MGAT5B: variants seen among roughly 807,000 people sequenced by gnomAD.
The protein encoded by MGAT5B is N-acetylglucosaminyl-transferase Vb.
In MGAT5B, 54 loss-of-function variants were observed where a neutral mutation model predicts 95.1. The observed-to-expected ratio is 0.57, with a 90% CI of 0.46 to 0.71. The LOEUF (loss-of-function observed/expected upper bound fraction) is 0.71, where lower values mean the gene tolerates loss of function less well. Ranked by LOEUF, MGAT5B falls within the 30% of genes least tolerant of loss-of-function variation. MGAT5B has a pLI of 0.00. For missense variants in MGAT5B, 935 were observed against 1,088.6 expected (o/e 0.86, Z 1.99); for synonymous variants, 464 against 451.0 (o/e 1.03, Z -0.36).
Position 76,948,024 on chromosome 17 carries a change from C to T in MGAT5B, c.2118C>T (p.Asp706=). ...PGRACTDTCL[D]HGLICEPSFF... ...GGGCCTGCACCGACACCTGCCTGGA[C>T]CACGGGCTAATCTGTGAGCCCTCCT... The change falls in exon 17 of 18, where the codon GAC becomes GAT. Residue 706 remains aspartate, a synonymous_variant. Transcript: ENST00000569840. The T allele has an allele frequency of 6.2e-7, 1 of 1,613,308 alleles. No individual in the cohort carries two copies. The highest frequency in any genetic ancestry group is 8.5e-7 in the Non-Finnish European group (1 of 1,179,694).
chr17:76,888,900 A>G (rs978515861), intron 3 of MGAT5B, among the ~76,000 whole-genome samples: 1 of 152,178 alleles, frequency 6.6e-6, no homozygotes, highest in Non-Finnish European at 1.5e-5. Context: ...GGTGGAGGGA[A>G]CAGAGCATCT....
Position 76,870,750 on chromosome 17 carries a change from G to C in MGAT5B, c.68+1653G>C, listed in dbSNP as rs956202310. ...CAGTGAGTCCCTTCAGTTGAGGTGG[G>C]GGGCAGGCTGCAATCATAGCACCCC... On this transcript the variant is annotated intron_variant, in intron 1 of 17. Coordinates refer to ENST00000569840, the MANE Select transcript of MGAT5B (RefSeq NM_001199172.2). This position sits in a 1 kb window ranked among gnomAD's most constrained non-coding sequence, Gnocchi z 5.0. Among the ~76,000 whole-genome samples, 1 of 152,056 alleles carries C rather than the reference G, an allele frequency of 6.6e-6. No individual in the cohort carries two copies. The highest frequency in any genetic ancestry group is 1.5e-5 in the Non-Finnish European group (1 of 67,996).
At position 76,899,478 on chromosome 17, in the gene MGAT5B, T is replaced by A. The variant is rs548796253; in HGVS notation, c.330-3077T>A. Among the ~76,000 whole-genome samples the A allele has an allele frequency of 2.5e-3, 371 of 151,420 alleles. 3 individuals are homozygous for A. Among genetic ancestry groups the A allele is most frequent in the African/African-American group, 8.5e-3 (351 of 41,278 alleles). On this transcript the variant is annotated intron_variant, in intron 3 of 17. Transcript: ENST00000569840. ...GGGCAATATATTTTCTACAGAAAAT[T>A]AAAAAAAAATTAGCCGGACGTGGTG...
rs1450340582 is a variant in MGAT5B, at chr17:76,869,672, A to G, written c.68+575A>G. On this transcript the variant is annotated intron_variant, in intron 1 of 17. Coordinates refer to ENST00000569840, the MANE Select transcript of MGAT5B (RefSeq NM_001199172.2). This position sits in a 1 kb window ranked among gnomAD's most constrained non-coding sequence, Gnocchi z 7.0. ...ATTAGAGCGAGGACTCGCTCATCCC[A>G]GGATTCGCCCCCGATCGCAGGCGTC... Among the ~76,000 whole-genome samples the G allele has an allele frequency of 6.6e-6, 1 of 152,172 alleles. No homozygotes were observed. Among genetic ancestry groups the G allele is most frequent in the African/African-American group, 2.4e-5 (1 of 41,444 alleles).
chr17:76,876,169 G>C (rs1234899605), intron 2 of MGAT5B, among the ~76,000 whole-genome samples: 1 of 152,152 alleles, frequency 6.6e-6, no homozygotes, highest in African/African-American at 2.4e-5. Flanking sequence ...TCCTGCAAGA[G>C]AAGCCCCTCA....
At chr17:76,896,018 G>A (rs112482192) in intron 3 of MGAT5B, among the ~76,000 whole-genome samples, 4,314 of 152,046 alleles carry the variant, frequency 0.028, 76 homozygotes, top group Non-Finnish European at 0.043. Flanking sequence ...CCTACCCCAC[G>A]GTGACAACAC....
chr17:76,897,660 A>ACTTTCTTTCTTC (rs1555589123), intron 3 of MGAT5B, among the ~76,000 whole-genome samples: 2 of 69,438 alleles, frequency 2.9e-5, no homozygotes, highest in Non-Finnish European at 5.1e-5. Context: ...AAGTAAGGCC[A>ACTTTCTTTCTTC]CTTTCTTTCT....
intron 2 of MGAT5B, among the ~76,000 whole-genome samples, chr17:76,880,809 G>A (rs747751353): frequency 1.3e-4 from 20 of 152,136 alleles, no homozygotes; most frequent in Non-Finnish European, 2.9e-4. Context: ...AATATTCTCG[G>A]CAGTGCAGCT....
intron 13 of MGAT5B, among the ~76,000 whole-genome samples, chr17:76,939,354 C>A (rs944191017): frequency 6.6e-6 from 1 of 151,696 alleles, no homozygotes; most frequent in Non-Finnish European, 1.5e-5. Flanking sequence ...AACAAACAAA[C>A]AAACAAAAAA....
In MGAT5B at chr17:76,926,168, G is replaced by A. The variant is rs1969305940; in HGVS notation, c.1158-429G>A. Among the ~76,000 whole-genome samples, 3 of 152,272 alleles carry A rather than the reference G, an allele frequency of 2.0e-5. No individual in the cohort carries two copies. In the South Asian group the frequency reaches 6.2e-4, roughly 32 times the overall value. ...TTTGCATCCTGGCCCTATAGACTGG[G>A]CACATCCAGGGGTGTCAGGCTCCTG... is the stretch of plus-strand genomic sequence containing the variant. On this transcript the variant is annotated intron_variant, in intron 9 of 17. Coordinates refer to ENST00000569840, the MANE Select transcript of MGAT5B (RefSeq NM_001199172.2).
chr17:76,881,522 C>G (rs1967415111), intron 2 of MGAT5B, among the ~76,000 whole-genome samples: 1 of 152,306 alleles, frequency 6.6e-6, no homozygotes, highest in Non-Finnish European at 1.5e-5. Flanking sequence ...GCCCTGGGGC[C>G]CTGAACACAG....
chr17:76,932,050 TTCTCCTCCTC>T (rs1969496718), intron 10 of MGAT5B, among the ~76,000 whole-genome samples: 1 of 121,428 alleles, frequency 8.2e-6, no homozygotes. Context: ...CTCCTCCTCT[TTCTCCTCCTC>T]CTTTTTTCCT....
chr17:76,946,397 G>A lies in MGAT5B; in HGVS notation c.1870G>A (p.Glu624Lys). 2 of 1,607,616 alleles carry A rather than the reference G, an allele frequency of 1.2e-6. No individual in the cohort carries two copies. Among genetic ancestry groups the A allele is most frequent in the Non-Finnish European group, 1.7e-6 (2 of 1,176,724 alleles). The change falls in exon 16 of 18, where the codon GAG (glutamate) becomes AAG (lysine). Residue 624 changes from glutamate to lysine, a missense_variant. Glu to Lys is a moderately conservative substitution (Grantham distance 56). Around this residue, in one of 4 missense-constraint regions of MGAT5B, gnomAD observed 440 missense variants for 523.6 expected, o/e 0.84. Transcript: ENST00000569840. ...RTQVDPYLPY[E>K]YTCEGMLERI... is the part of the protein sequence containing the mutation. ...ACAGGTAGACCCCTACCTACCCTAC[G>A]AGTACACCTGCGAGGGGATGCTGGA...
At chr17:76,923,631 C>T (rs1362926744) in intron 8 of MGAT5B, among the ~76,000 whole-genome samples, 1 of 152,226 alleles carries the variant, frequency 6.6e-6, no homozygotes, top group Non-Finnish European at 1.5e-5. Flanking sequence ...CTCCACCGTG[C>T]CTCAGCACAC....
chr17:76,933,514 T>C (rs2166086), intron 12 of MGAT5B, among the ~76,000 whole-genome samples: 151,982 of 152,298 alleles, frequency 1, 75,835 homozygotes, highest in Middle Eastern at 1. Flanking sequence ...AGGCAAGTCC[T>C]GGGAGGTCAA....
chr17:76,894,042 G>C (rs373793568), intron 3 of MGAT5B, among the ~76,000 whole-genome samples: 9 of 152,352 alleles, frequency 5.9e-5, no homozygotes, highest in African/African-American at 2.2e-4. Context: ...ATTGAAGCCA[G>C]TGTTCCACTT....
intron 3 of MGAT5B, among the ~76,000 whole-genome samples, chr17:76,884,697 G>A (rs1209983439): frequency 2.6e-5 from 4 of 151,510 alleles, no homozygotes; most frequent in Admixed American, 6.6e-5. Context: ...TCTGCCTCCC[G>A]GGTTCAAGCG....
chr17:76,909,345 C>T (rs1481535019), intron 8 of MGAT5B, among the ~76,000 whole-genome samples: 1 of 152,176 alleles, frequency 6.6e-6, no homozygotes, highest in Non-Finnish European at 1.5e-5. Context: ...TCTCTTTATC[C>T]CTCCTCCCCA....
At chr17:76,907,992 T>C (rs1968593485) in intron 8 of MGAT5B, among the ~76,000 whole-genome samples, 1 of 152,248 alleles carries the variant, frequency 6.6e-6, no homozygotes, top group Admixed American at 6.5e-5. Flanking sequence ...CCCATTGATA[T>C]GGGCATCATA....
Sources: allele counts gnomAD v4.1 joint callset (sites outside exome capture counted in the v4.1 genomes callset), GRCh38; gene constraint gnomAD v4.1.1; regional missense constraint gnomAD v4.1.1; non-coding constraint Gnocchi (gnomAD v3.1); transcripts MANE v1.5; gene names NCBI Gene and HGNC (gene_info 2026-07-23, HGNC 2026-07-21).